Variants in STXBP6 observed in about 807,000 individuals in gnomAD.
STXBP6 encodes the protein syntaxin-binding protein 6.
STXBP6 carries 21 observed loss-of-function variants against 26.9 expected under a neutral mutation model. That is an observed-to-expected ratio of 0.78 (90% CI 0.55 to 1.12). The LOEUF (loss-of-function observed/expected upper bound fraction) is 1.12, where lower values mean the gene tolerates loss of function less well. STXBP6 is among the 50% of genes most tolerant of loss of function. STXBP6 has a pLI of 0.00. For missense variants in STXBP6, 232 were observed against 257.9 expected, an observed-to-expected ratio of 0.90 and a Z score of 0.69; for synonymous variants, 97 against 92.6, an observed-to-expected ratio of 1.05 and a Z score of -0.27.
intron 4 of STXBP6, among the ~76,000 whole-genome samples, chr14:24,835,149 GT>G (rs924929596): frequency 6.6e-6 from 1 of 152,136 alleles, no homozygotes; most frequent in Non-Finnish European, 1.5e-5. Flanking sequence ...CTTCTTCCGT[GT>G]TTAATTTGAA....
At chr14:24,954,741 T>A (rs7157671) in intron 2 of STXBP6, among the ~76,000 whole-genome samples, 109,729 of 152,110 alleles carry the variant, frequency 0.72, 40,057 homozygotes, top group African/African-American at 0.83. Flanking sequence ...AGTAAAATAG[T>A]CAACCAAAAT....
At chr14:24,925,357 T>C (rs1473433984) in intron 2 of STXBP6, among the ~76,000 whole-genome samples, 1 of 152,196 alleles carries the variant, frequency 6.6e-6, no homozygotes, top group Non-Finnish European at 1.5e-5. Flanking sequence ...ACATTTCCTA[T>C]CATTACAAGT....
At position 24,826,156 on chromosome 14, in the gene STXBP6, T is replaced by C. The variant is rs969850889; in HGVS notation, c.452-6962A>G. On this transcript the variant is annotated intron_variant, in intron 4 of 5. Transcript: ENST00000323944. The stretch of plus-strand genomic sequence containing the variant: ...ACTGTTAATTTCAAGTCCTTACATA[T>C]ACAAATTGAAAACTCTCTACACAAT... Among the ~76,000 whole-genome samples the C allele has an allele frequency of 5.9e-5, 9 of 152,280 alleles. 2 individuals are homozygous for C. Among genetic ancestry groups the C allele is most frequent in the Admixed American group, 3.9e-4 (6 of 15,298 alleles).
chr14:24,913,841 A>G (rs1054241135), intron 2 of STXBP6, among the ~76,000 whole-genome samples: 13 of 152,180 alleles, frequency 8.5e-5, no homozygotes, highest in Admixed American at 6.5e-5. Context: ...TGGTCCCCAG[A>G]ACAGGGGGAA....
chr14:24,855,076 A>T (rs2069280230), intron 4 of STXBP6, among the ~76,000 whole-genome samples: 4 of 152,048 alleles, frequency 2.6e-5, no homozygotes, highest in Admixed American at 2.6e-4. Context: ...CTAATGGCAA[A>T]ATGACAGTAT....
chr14:24,919,665 A>C (rs893836261), intron 2 of STXBP6, among the ~76,000 whole-genome samples: 2 of 151,958 alleles, frequency 1.3e-5, no homozygotes, highest in Admixed American at 6.6e-5. Context: ...CTGTGAATGC[A>C]CCTCACATGT....
intron 2 of STXBP6, among the ~76,000 whole-genome samples, chr14:24,908,843 T>A (rs2071471803): frequency 6.6e-6 from 1 of 152,144 alleles, no homozygotes; most frequent in South Asian, 2.1e-4. Context: ...TTATTCCTTG[T>A]GGTCAGGTTC....
intron 2 of STXBP6, among the ~76,000 whole-genome samples, 183 bp from the exon 3 acceptor site, chr14:24,857,340 T>C (rs960122884): frequency 6.6e-6 from 1 of 152,084 alleles, no homozygotes; most frequent in African/African-American, 2.4e-5. Context: ...GTAAAGGAAA[T>C]AGATGTTACA....
At chr14:24,930,830 G>A (rs1375695425) in intron 2 of STXBP6, among the ~76,000 whole-genome samples, 4 of 151,914 alleles carry the variant, frequency 2.6e-5, no homozygotes, top group Non-Finnish European at 2.9e-5. Flanking sequence ...ACCAAACACC[G>A]GCCGGGCGCG....
At chr14:24,839,167 C>G (rs1337160688) in intron 4 of STXBP6, among the ~76,000 whole-genome samples, 1 of 152,112 alleles carries the variant, frequency 6.6e-6, no homozygotes, top group Non-Finnish European at 1.5e-5. Flanking sequence ...CTGTTCTGAT[C>G]TCTAATTTTA....
At chr14:24,894,278 G>C (rs1244842502) in intron 2 of STXBP6, among the ~76,000 whole-genome samples, 1 of 152,134 alleles carries the variant, frequency 6.6e-6, no homozygotes, top group Non-Finnish European at 1.5e-5. Flanking sequence ...GAGGACTTAG[G>C]GACTCTCTTG....
At chr14:24,968,030 A>G (rs1214970609) in intron 2 of STXBP6, among the ~76,000 whole-genome samples, 2 of 152,166 alleles carry the variant, frequency 1.3e-5, no homozygotes. Context: ...AATGAGGAAC[A>G]TACCACCCAA....
chr14:25,029,854 A>G (rs2075419448), intron 1 of STXBP6, among the ~76,000 whole-genome samples: 1 of 152,134 alleles, frequency 6.6e-6, no homozygotes, highest in Non-Finnish European at 1.5e-5. Context: ...TCTTATTTCA[A>G]AGAGCTGGAT....
intron 1 of STXBP6, among the ~76,000 whole-genome samples, chr14:24,979,934 T>C (rs1252472839): frequency 1.3e-5 from 2 of 152,354 alleles, no homozygotes; most frequent in South Asian, 2.1e-4. Flanking sequence ...AGGATGAATA[T>C]GATTCAAGCT....
chr14:24,952,589 T>C (rs921680609), intron 2 of STXBP6, among the ~76,000 whole-genome samples: 1 of 152,166 alleles, frequency 6.6e-6, no homozygotes, highest in Non-Finnish European at 1.5e-5. Flanking sequence ...CTCTTAATCA[T>C]ACAAATTTGA....
At chr14:24,956,017 C>A (rs1341223326) in intron 2 of STXBP6, among the ~76,000 whole-genome samples, 1 of 152,158 alleles carries the variant, frequency 6.6e-6, no homozygotes, top group African/African-American at 2.4e-5. Flanking sequence ...TTGAAACCCA[C>A]ACCCTTTTCT....
intron 2 of STXBP6, among the ~76,000 whole-genome samples, chr14:24,885,876 C>T (rs1007451894): frequency 2.6e-5 from 4 of 152,226 alleles, no homozygotes; most frequent in Non-Finnish European, 4.4e-5. Context: ...TGCCCTTTTA[C>T]TCCATGTACA....
At chr14:24,992,415 A>G (rs951892116) in intron 1 of STXBP6, among the ~76,000 whole-genome samples, 1 of 152,068 alleles carries the variant, frequency 6.6e-6, no homozygotes, top group Admixed American at 6.5e-5. Context: ...AAAAATAAGT[A>G]GGAAAAAAAA....
chr14:24,916,071 G>C (rs1363531731), intron 2 of STXBP6, among the ~76,000 whole-genome samples: 1 of 152,040 alleles, frequency 6.6e-6, no homozygotes, highest in African/African-American at 2.4e-5. Context: ...TATATGTCTT[G>C]GTTAGAAAAT....
Sources: gnomAD v4.1 joint callset for allele counts (sites outside exome capture counted in the v4.1 genomes callset) on GRCh38, gnomAD v4.1.1 for gene constraint, MANE v1.5 for transcripts, NCBI Gene and HGNC (gene_info 2026-07-23, HGNC 2026-07-21) for gene names.